The following PCID2 variants were observed in gnomAD, a reference collection of about 807,000 sequenced individuals.
The protein encoded by PCID2 is PCI domain containing 2, also known as PCI domain-containing protein 2.
Under a neutral mutation model 61.3 loss-of-function variants are expected in PCID2, and 41 were observed. The ratio of observed to expected loss-of-function variants is 0.67; its 90% CI spans 0.52 to 0.87. The LOEUF is 0.87. PCID2 is among the 40% of genes least tolerant of loss of function. The pLI, the probability that PCID2 is intolerant of heterozygous loss-of-function variation, is 0.00. For synonymous variants in PCID2, 187 were observed against 177.8 expected (o/e 1.05, Z -0.41); for missense variants, 392 against 493.4 (o/e 0.79, Z 1.95).
At chr13:113,190,830 C>T (rs771988396) in intron 7 of PCID2, 42 bp downstream of exon 7, 2 of 1,243,710 alleles carry the variant, frequency 1.6e-6, no homozygotes, top group Non-Finnish European at 2.3e-6. Context: ...ATGAAAACAC[C>T]ACCAACAGCG....
At position 113,178,957 on chromosome 13, in the gene PCID2, C is replaced by T. The variant is rs1242930592; in HGVS notation, c.1110+9G>A. The T allele has an allele frequency of 1.2e-6, 2 of 1,609,712 alleles. No individual in the cohort carries two copies. Among genetic ancestry groups the T allele is most frequent in the Non-Finnish European group, 1.7e-6 (2 of 1,178,314 alleles). ...GTAGCTGCTTAAATTAAAACCAGGA[C>T]TCACACACCATGTATATCAAGTTAG... On this transcript the variant is annotated intron_variant, in intron 13 of 13. Coordinates refer to ENST00000337344, the MANE Select transcript of PCID2 (RefSeq NM_001127202.4).
intron 1 of PCID2, chr13:113,208,067 T>C (rs767845933): frequency 1.2e-6 from 2 of 1,612,836 alleles, no homozygotes; most frequent in South Asian, 1.1e-5. Flanking sequence ...CCGAGCGATA[T>C]GAAGTGTGCA....
chr13:113,176,536 G>GAAATTGCCCC (rs2037190626), downstream of PCID2, among the ~76,000 whole-genome samples: 1 of 152,292 alleles, frequency 6.6e-6, no homozygotes, highest in Non-Finnish European at 1.5e-5. Flanking sequence ...CCGAGGTGGG[G>GAAATTGCCCC]GAATTGCTTT....
the PCID2 span, among the ~76,000 whole-genome samples, chr13:113,168,237 G>A: frequency 1.3e-5 from 2 of 152,344 alleles, no homozygotes; most frequent in East Asian, 3.8e-4. Flanking sequence ...TTAATGGGAT[G>A]TCATAACCTT....
intron 13 of PCID2, among the ~76,000 whole-genome samples, chr13:113,178,718 G>C (rs78045013): frequency 0.017 from 2,606 of 152,284 alleles, 71 homozygotes; most frequent in African/African-American, 0.058. Context: ...TGGTATCCGA[G>C]GGGGGTTGGA....
chr13:113,180,131 C>G, intron 11 of PCID2, 27 bp downstream of exon 11: 5 of 1,613,438 alleles, frequency 3.1e-6, no homozygotes, highest in Non-Finnish European at 3.4e-6. Context: ...TTTTAAAACC[C>G]CAAACAGGAA....
At chr13:113,206,805 C>A (rs1039718176) in intron 1 of PCID2, among the ~76,000 whole-genome samples, 1 of 152,204 alleles carries the variant, frequency 6.6e-6, no homozygotes, top group Non-Finnish European at 1.5e-5. Context: ...CTGCCCTTTG[C>A]GGAGATGTAG....
At chr13:113,185,755 G>A (rs2038054784) in intron 7 of PCID2, 195 bp from the exon 8 acceptor site, 5 of 444,234 alleles carry the variant, frequency 1.1e-5, no homozygotes, top group South Asian at 5.3e-5. Context: ...TTACCTGATG[G>A]GTAAAAATAA....
the PCID2 span, among the ~76,000 whole-genome samples, chr13:113,170,889 C>T: frequency 4.6e-5 from 7 of 151,642 alleles, no homozygotes; most frequent in Admixed American, 2.0e-4. Flanking sequence ...CAGGCTGAGG[C>T]AGTGGCCTTC....
At chr13:113,172,654 A>T (rs1399080498), downstream of PCID2, among the ~76,000 whole-genome samples, 3 of 152,188 alleles carry the variant, frequency 2.0e-5, no homozygotes, top group African/African-American at 7.2e-5. Context: ...CATTAGAGGA[A>T]AGGGCCAGAG....
At chr13:113,178,511 A>C in intron 13 of PCID2, 1 of 461,096 alleles carries the variant, frequency 2.2e-6, no homozygotes, top group Non-Finnish European at 4.0e-6. Flanking sequence ...ATATTTGGGG[A>C]AAAAAAATGC....
intron 7 of PCID2, chr13:113,186,861 C>T (rs1045603149): frequency 1.3e-5 from 2 of 152,112 alleles, no homozygotes; most frequent in African/African-American, 2.4e-5. Context: ...AAAGTCAAGG[C>T]ACAAAAATAC....
intron 10 of PCID2, 114 bp downstream of exon 10, chr13:113,181,016 C>CT: frequency 1.4e-6 from 1 of 714,164 alleles, no homozygotes; most frequent in Non-Finnish European, 2.5e-6. Flanking sequence ...TGTGCTCATA[C>CT]ACAGCTCAGG....
chr13:113,200,948 T>C (rs901141268), intron 1 of PCID2, among the ~76,000 whole-genome samples: 3 of 152,072 alleles, frequency 2.0e-5, no homozygotes, highest in Non-Finnish European at 2.9e-5. Flanking sequence ...CAGATGTTCC[T>C]GAAGCAAAAA....
chr13:113,198,023 T>C (rs776951513), intron 3 of PCID2, among the ~76,000 whole-genome samples, 168 bp downstream of exon 3: 3 of 152,238 alleles, frequency 2.0e-5, no homozygotes, highest in Non-Finnish European at 4.4e-5. Flanking sequence ...ATATAACTGA[T>C]GTTTACAATT....
intron 7 of PCID2, chr13:113,185,820 C>A (rs2038060063): frequency 5.8e-6 from 2 of 346,744 alleles, no homozygotes; most frequent in East Asian, 9.6e-5. Context: ...CATCCTTCCT[C>A]CGCGGCACCA....
chr13:113,176,551 C>CG (rs1470233012), downstream of PCID2, among the ~76,000 whole-genome samples: 41 of 4,146 alleles, frequency 9.9e-3, no homozygotes, highest in Non-Finnish European at 0.093. Flanking sequence ...TGCTTTAGCC[C>CG]AGGCGTTCCA....
At chr13:113,172,957 A>G (rs938649944), downstream of PCID2, among the ~76,000 whole-genome samples, 2 of 152,204 alleles carry the variant, frequency 1.3e-5, no homozygotes, top group African/African-American at 4.8e-5. Flanking sequence ...CAAAATTGGA[A>G]CTTACCCCAA....
At chr13:113,207,070 A>G (rs1037809814) in intron 1 of PCID2, among the ~76,000 whole-genome samples, 2 of 152,222 alleles carry the variant, frequency 1.3e-5, no homozygotes, top group Non-Finnish European at 2.9e-5. Context: ...CCTGAAATAC[A>G]CGAGCTGATG....
Sources: gnomAD v4.1 joint callset for allele counts (sites outside exome capture counted in the v4.1 genomes callset) on GRCh38, gnomAD v4.1.1 for gene constraint, MANE v1.5 for transcripts, NCBI Gene and HGNC (gene_info 2026-07-23, HGNC 2026-07-21) for gene names.